Variants in MALRD1 observed in about 807,000 individuals in gnomAD.
The protein encoded by MALRD1 is MAM and LDL receptor class A domain containing 1, also known as MAM and LDL-receptor class A domain-containing protein 1.
A neutral mutation model predicts 242.1 loss-of-function variants in MALRD1; 247 were observed. The observed-to-expected ratio is 1.02, with a 90% confidence interval of 0.92 to 1.13. The LOEUF is 1.13. MALRD1 is among the 50% of genes most tolerant of loss of function. The pLI, the probability that MALRD1 is intolerant of heterozygous loss-of-function variation, is 0.00. For missense variants in MALRD1, 2,989 were observed against 2,533.1 expected, an observed-to-expected ratio of 1.18 and a Z score of -3.86; for synonymous variants, 995 against 866.6, an observed-to-expected ratio of 1.15 and a Z score of -2.60.
At chr10:19,150,895 T>C (rs1290633042) in intron 11 of MALRD1, among the ~76,000 whole-genome samples, 2 of 152,190 alleles carry the variant, frequency 1.3e-5, no homozygotes, top group African/African-American at 4.8e-5. Flanking sequence ...AATTTATTCT[T>C]GTACACATTT....
chr10:19,370,852 C>A (rs111933415), intron 26 of MALRD1, among the ~76,000 whole-genome samples: 16 of 152,240 alleles, frequency 1.1e-4, no homozygotes, highest in South Asian at 2.1e-4. Flanking sequence ...GCTGGGATAA[C>A]AGGCATGAGC....
At chr10:19,060,785 G>T (rs1026325789) in intron 1 of MALRD1, among the ~76,000 whole-genome samples, 1 of 152,196 alleles carries the variant, frequency 6.6e-6, no homozygotes, top group Non-Finnish European at 1.5e-5. Context: ...TTCAAGGTTT[G>T]TCAGCAAAGT....
At chr10:19,698,679 C>G (rs12246536) in intron 38 of MALRD1, among the ~76,000 whole-genome samples, 3,959 of 152,220 alleles carry the variant, frequency 0.026, 133 homozygotes, top group African/African-American at 0.077. Context: ...ATTGATGATG[C>G]CTAGAAAACA....
At chr10:19,652,468 C>T (rs768556366) in intron 36 of MALRD1, among the ~76,000 whole-genome samples, 18 of 152,084 alleles carry the variant, frequency 1.2e-4, no homozygotes, top group Non-Finnish European at 2.2e-4. Flanking sequence ...TGAAAGTTTG[C>T]GTATGATACT....
chr10:19,502,012 C>CAAAAAA (rs1181159875), intron 31 of MALRD1, among the ~76,000 whole-genome samples: 1 of 40,368 alleles, frequency 2.5e-5, no homozygotes, highest in African/African-American at 1.4e-4. Flanking sequence ...GATTCTGTCT[C>CAAAAAA]AAAAAAAAAA....
intron 19 of MALRD1, among the ~76,000 whole-genome samples, chr10:19,262,466 G>A (rs1172748127): frequency 1.3e-5 from 2 of 151,876 alleles, no homozygotes; most frequent in Non-Finnish European, 2.9e-5. Context: ...CACCAGCCTG[G>A]TCAACATGGT....
chr10:19,646,233 A>G (rs1367072407), intron 36 of MALRD1, among the ~76,000 whole-genome samples: 1 of 152,130 alleles, frequency 6.6e-6, no homozygotes, highest in Non-Finnish European at 1.5e-5. Flanking sequence ...ACTAATAGGA[A>G]AACTCTCTAC....
intron 2 of MALRD1, among the ~76,000 whole-genome samples, chr10:19,073,213 C>A (rs1447114028): frequency 1.3e-5 from 2 of 151,942 alleles, no homozygotes; most frequent in African/African-American, 4.8e-5. Flanking sequence ...CCACACCAGG[C>A]CTCTTAACCC....
At chr10:19,250,722 G>T (rs941449818) in intron 18 of MALRD1, among the ~76,000 whole-genome samples, 1 of 151,970 alleles carries the variant, frequency 6.6e-6, no homozygotes, top group South Asian at 2.1e-4. Flanking sequence ...AATCTCATAT[G>T]AGTTGAGTAC....
chr10:19,134,415 A>G (rs186602141), intron 9 of MALRD1, among the ~76,000 whole-genome samples: 29 of 152,242 alleles, frequency 1.9e-4, no homozygotes, highest in African/African-American at 6.7e-4. Context: ...AATTAAATTG[A>G]TATTTTGTGT....
intron 2 of MALRD1, among the ~76,000 whole-genome samples, chr10:19,071,283 C>T (rs1050785986): frequency 4.0e-5 from 6 of 149,410 alleles, no homozygotes; most frequent in African/African-American, 1.5e-4. Context: ...AGAGATTATT[C>T]ATAGAACAGG....
chr10:19,544,161 C>T (rs1835103376), intron 32 of MALRD1, among the ~76,000 whole-genome samples: 1 of 151,456 alleles, frequency 6.6e-6, no homozygotes, highest in Non-Finnish European at 1.5e-5. Context: ...TTCCCCTCTA[C>T]TTGAGTCTTT....
chr10:19,566,717 A>C (rs1420780620), intron 32 of MALRD1, among the ~76,000 whole-genome samples: 3 of 151,502 alleles, frequency 2.0e-5, no homozygotes, highest in Non-Finnish European at 4.4e-5. Context: ...TATGATGTTT[A>C]AATATTGCTA....
At chr10:19,252,183 G>A (rs535445482) in intron 18 of MALRD1, among the ~76,000 whole-genome samples, 1 of 152,154 alleles carries the variant, frequency 6.6e-6, no homozygotes, top group South Asian at 2.1e-4. Context: ...TAATAGGGAG[G>A]ACTAGTGTCT....
intron 28 of MALRD1, among the ~76,000 whole-genome samples, chr10:19,429,352 C>A (rs961597444): frequency 1.3e-5 from 2 of 151,998 alleles, no homozygotes; most frequent in Non-Finnish European, 2.9e-5. Flanking sequence ...GGTGGATTGC[C>A]TGAGGTCAGG....
intron 24 of MALRD1, among the ~76,000 whole-genome samples, chr10:19,338,091 T>C (rs1843689559): frequency 1.3e-5 from 2 of 151,080 alleles, no homozygotes; most frequent in African/African-American, 4.9e-5. Flanking sequence ...AAAGTACATA[T>C]ACTCCTTCTT....
At chr10:19,625,320 C>CT (rs35462096) in intron 36 of MALRD1, among the ~76,000 whole-genome samples, 45,785 of 151,630 alleles carry the variant, frequency 0.3, 8,461 homozygotes, top group Admixed American at 0.46. Flanking sequence ...TGGCTGTTTC[C>CT]TTTTTTTTAA....
chr10:19,399,516 A>G (rs1452293469), intron 28 of MALRD1, among the ~76,000 whole-genome samples: 1 of 152,154 alleles, frequency 6.6e-6, no homozygotes, highest in African/African-American at 2.4e-5. Flanking sequence ...TTCTAACTGA[A>G]TCACATTTCT....
chr10:19,235,609 A>AGAGAGAGAGAGAGAGAGAGAGC (rs1412613080), intron 18 of MALRD1, among the ~76,000 whole-genome samples: 1 of 136,488 alleles, frequency 7.3e-6, no homozygotes, highest in African/African-American at 2.7e-5. Context: ...AGAGAGAGAG[A>AGAGAGAGAGAGAGAGAGAGAGC]GAGAGCGCCT....
Sources: gnomAD v4.1 joint callset for allele counts (sites outside exome capture counted in the v4.1 genomes callset) on GRCh38, gnomAD v4.1.1 for gene constraint, MANE v1.5 for transcripts, NCBI Gene and HGNC (gene_info 2026-07-23, HGNC 2026-07-21) for gene names.